The following CCDC192 variants were observed in gnomAD, a reference collection of about 807,000 sequenced individuals.
CCDC192 encodes the protein coiled-coil domain-containing protein 192.
intron 6 of CCDC192, among the ~76,000 whole-genome samples, chr5:127,917,005 C>G (rs759308718): frequency 1.3e-5 from 2 of 152,206 alleles, no homozygotes; most frequent in African/African-American, 2.4e-5. Context: ...AAAACCTGTT[C>G]TTTAGTGTAG....
At chr5:127,859,560 T>TA (rs1271495596) in intron 5 of CCDC192, among the ~76,000 whole-genome samples, 2 of 152,080 alleles carry the variant, frequency 1.3e-5, no homozygotes, top group Non-Finnish European at 2.9e-5. Context: ...TTTTTGTTTT[T>TA]AAACCAGAAC....
chr5:127,847,695 A>T (rs1750618972), intron 5 of CCDC192, among the ~76,000 whole-genome samples: 1 of 151,628 alleles, frequency 6.6e-6, no homozygotes, highest in Non-Finnish European at 1.5e-5. Flanking sequence ...GGTGGCAGGC[A>T]CCTGTAATCC....
intron 3 of CCDC192, among the ~76,000 whole-genome samples, chr5:127,766,774 T>C (rs957794589): frequency 6.6e-6 from 1 of 152,162 alleles, no homozygotes; most frequent in African/African-American, 2.4e-5. Flanking sequence ...ACTTCCCATC[T>C]CTATTCCTCT....
intron 5 of CCDC192, among the ~76,000 whole-genome samples, chr5:127,859,324 G>A (rs1751254436): frequency 6.6e-6 from 1 of 152,082 alleles, no homozygotes; most frequent in Admixed American, 6.5e-5. Flanking sequence ...GTCTTCTCCA[G>A]TCTAATGTCT....
At chr5:127,862,202 T>C (rs1257830660) in intron 5 of CCDC192, among the ~76,000 whole-genome samples, 1 of 152,212 alleles carries the variant, frequency 6.6e-6, no homozygotes, top group African/African-American at 2.4e-5. Flanking sequence ...GCAATTCCTT[T>C]GCTTCAACAA....
intron 3 of CCDC192, among the ~76,000 whole-genome samples, chr5:127,772,466 CAAA>C (rs34089281): frequency 3.0e-5 from 2 of 67,730 alleles, no homozygotes; most frequent in African/African-American, 5.5e-5. Context: ...GACTCTGTCA[CAAA>C]AAAAAAAAAA....
chr5:127,846,003 T>A (rs1750516200), intron 5 of CCDC192, among the ~76,000 whole-genome samples: 1 of 152,120 alleles, frequency 6.6e-6, no homozygotes, highest in South Asian at 2.1e-4. Flanking sequence ...AAAAGAATAT[T>A]TGTTTGGCCG....
At chr5:127,714,522 G>A (rs1363040135) in intron 2 of CCDC192, among the ~76,000 whole-genome samples, 1 of 152,068 alleles carries the variant, frequency 6.6e-6, no homozygotes, top group Non-Finnish European at 1.5e-5. Flanking sequence ...CTGAGTACCT[G>A]GGACTACAGG....
chr5:127,903,366 CT>C (rs1208734398), intron 6 of CCDC192, among the ~76,000 whole-genome samples: 1 of 152,014 alleles, frequency 6.6e-6, no homozygotes, highest in Non-Finnish European at 1.5e-5. Flanking sequence ...CCTCAGCCTC[CT>C]GAGTAGCTGG....
intron 5 of CCDC192, among the ~76,000 whole-genome samples, chr5:127,837,777 C>T (rs1234208649): frequency 2.0e-5 from 3 of 152,114 alleles, no homozygotes; most frequent in Non-Finnish European, 4.4e-5. Flanking sequence ...ATCATGAGGT[C>T]GGGAGATGGA....
At chr5:127,821,146 G>A (rs569275614) in intron 5 of CCDC192, among the ~76,000 whole-genome samples, 57 of 152,118 alleles carry the variant, frequency 3.7e-4, no homozygotes, top group Non-Finnish European at 6.9e-4. Context: ...CAGCTTTGGT[G>A]GAAGGTGGAT....
chr5:127,786,116 C>G, intron 3 of CCDC192: 1 of 1,030,904 alleles, frequency 9.7e-7, no homozygotes, highest in Non-Finnish European at 1.5e-6. Flanking sequence ...TTGTCAGCAT[C>G]CAATAAATTC....
intron 5 of CCDC192, among the ~76,000 whole-genome samples, chr5:127,874,085 C>A (rs903052864): frequency 2.0e-5 from 3 of 152,252 alleles, no homozygotes; most frequent in African/African-American, 7.2e-5. Context: ...AACAGCTGGC[C>A]AGCATCGTGT....
At chr5:127,721,853 G>A (rs897121297) in intron 2 of CCDC192, among the ~76,000 whole-genome samples, 1 of 152,126 alleles carries the variant, frequency 6.6e-6, no homozygotes, top group African/African-American at 2.4e-5. Context: ...GAGAGAAAGC[G>A]GGGAGGTGCC....
chr5:127,710,498 A>G (rs1190343943), intron 2 of CCDC192, among the ~76,000 whole-genome samples: 1 of 152,092 alleles, frequency 6.6e-6, no homozygotes, highest in African/African-American at 2.4e-5. Context: ...CTCTGAATCT[A>G]CTTTGACTTT....
chr5:127,718,156 C>T (rs1751749607), intron 2 of CCDC192, among the ~76,000 whole-genome samples: 1 of 151,982 alleles, frequency 6.6e-6, no homozygotes, highest in South Asian at 2.1e-4. Flanking sequence ...GGCAAGACGA[C>T]CTATTTCATT....
intron 5 of CCDC192, among the ~76,000 whole-genome samples, chr5:127,857,000 T>C (rs377223998): frequency 6.6e-6 from 1 of 152,216 alleles, no homozygotes; most frequent in East Asian, 1.9e-4. Flanking sequence ...ATAGACTTGC[T>C]TGACATCAGA....
chr5:127,931,369 T>C (rs1271086976), intron 6 of CCDC192, among the ~76,000 whole-genome samples: 2 of 152,192 alleles, frequency 1.3e-5, no homozygotes, highest in Non-Finnish European at 2.9e-5. Context: ...TGGCAAGATA[T>C]TGTTGGGATG....
chr5:127,772,809 G>A (rs2126914511), intron 3 of CCDC192, among the ~76,000 whole-genome samples: 1 of 152,286 alleles, frequency 6.6e-6, no homozygotes, highest in Non-Finnish European at 1.5e-5. Context: ...ATGGATGCTA[G>A]CTAATCCAAG....
Sources: gnomAD v4.1 joint callset for allele counts (sites outside exome capture counted in the v4.1 genomes callset) on GRCh38, gnomAD v4.1.1 for gene constraint, MANE v1.5 for transcripts, NCBI Gene and HGNC (gene_info 2026-07-23, HGNC 2026-07-21) for gene names.